Variants in TUFT1 observed in about 807,000 individuals in gnomAD.
TUFT1 encodes tuftelin 1, also known as tuftelin.
A neutral mutation model predicts 57.8 loss-of-function variants in TUFT1; 43 were observed. The ratio of observed to expected loss-of-function variants is 0.74; its 90% confidence interval spans 0.58 to 0.96. The LOEUF (loss-of-function observed/expected upper bound fraction) is 0.96, where lower values mean the gene tolerates loss of function less well. TUFT1 is among the 40% of genes least tolerant of loss of function. TUFT1 has a pLI of 0.00. For missense variants in TUFT1, 459 were observed against 489.0 expected (o/e 0.94, Z 0.58); for synonymous variants, 166 against 176.7 (o/e 0.94, Z 0.48).
chr1:151,581,047 G>C lies in TUFT1; in HGVS notation c.1109+5G>C, dbSNP rs1666632706. 1 of 1,613,838 alleles carries C rather than the reference G, an allele frequency of 6.2e-7. No individual in the cohort carries two copies. The highest frequency in any genetic ancestry group is 1.1e-5 in the South Asian group (1 of 91,072). The stretch of plus-strand genomic sequence containing the variant: ...CAAGACAGAGAACCCGGGCAGGTGA[G>C]TGAGCGTGTGTAGATAGAATGGGGC... On this transcript the variant is annotated splice_donor_5th_base_variant and intron_variant, in intron 12 of 12. Transcript: ENST00000368849.
At chr1:151,564,426 G>A (rs1665997374) in intron 4 of TUFT1, 99 bp from the exon 5 acceptor site, 2 of 847,482 alleles carry the variant, frequency 2.4e-6, no homozygotes, top group Non-Finnish European at 3.9e-6. Context: ...GACAGTGCCT[G>A]ACTCGCAGTA....
intron 1 of TUFT1, among the ~76,000 whole-genome samples, chr1:151,560,956 TTGTGTGTG>T (rs68056033): frequency 0.16 from 20,653 of 132,422 alleles, 1,903 homozygotes; most frequent in East Asian, 0.36. Flanking sequence ...CTGCAAAGTA[TTGTGTGTG>T]TGTGTGTGTG....
At chr1:151,567,024 T>C (rs1047835677) in intron 6 of TUFT1, among the ~76,000 whole-genome samples, 9 of 151,328 alleles carry the variant, frequency 5.9e-5, no homozygotes, top group Non-Finnish European at 1.0e-4. Context: ...GTTCAAGCAA[T>C]CCTCCCACCT....
chr1:151,553,726 T>C (rs1291331494), intron 1 of TUFT1, among the ~76,000 whole-genome samples: 47 of 152,250 alleles, frequency 3.1e-4, no homozygotes, highest in Admixed American at 2.9e-3. Flanking sequence ...CTTTGGTCCA[T>C]GCTTCTGAAT....
intron 1 of TUFT1, chr1:151,545,828 C>T: frequency 1.9e-6 from 1 of 533,800 alleles, no homozygotes; most frequent in Non-Finnish European, 3.9e-6. Flanking sequence ...CTGACTCAGC[C>T]AGTACTGGTC....
In TUFT1 at chr1:151,581,829, G is replaced by T. The variant is rs139986583; in HGVS notation, c.*122G>T. 2 of 1,016,688 alleles carry T rather than the reference G, an allele frequency of 2.0e-6. No individual in the cohort carries two copies. The allele number at this position is 1,016,688 out of a possible 1,614,324, so 63.0% of individuals were successfully genotyped here. A position where few individuals can be genotyped will look rare whatever the true frequency, so the allele number is the denominator to read the frequency against. On this transcript the variant is annotated 3_prime_UTR_variant, in exon 13 of 13. Transcript: ENST00000368849. ...GTCCCCTGGCTGCACCCAGGACTTCGGGCTCCTGTGTCTCACCATTCCCAA... is the reference window on the plus strand; with the variant it reads ...GTCCCCTGGCTGCACCCAGGACTTCTGGCTCCTGTGTCTCACCATTCCCAA...
chr1:151,577,397 C>T, intron 9 of TUFT1, among the ~76,000 whole-genome samples: 1 of 152,134 alleles, frequency 6.6e-6, no homozygotes, highest in Non-Finnish European at 1.5e-5. Flanking sequence ...TATCTAGGGA[C>T]CCCAGCCACC....
intron 1 of TUFT1, chr1:151,561,467 GCGCGCGCACACACACACA>G: frequency 5.9e-6 from 1 of 169,214 alleles, no homozygotes; most frequent in Non-Finnish European, 8.8e-6. Context: ...TCATGCGCGC[GCGCGCGCACACACACACA>G]CACACACACA....
chr1:151,540,322 C>T lies in TUFT1; in HGVS notation c.-45C>T. The T allele has an allele frequency of 6.2e-7, 1 of 1,613,340 alleles. No homozygotes were observed. The highest frequency in any genetic ancestry group is 1.1e-5 in the South Asian group (1 of 91,046). On this transcript the variant is annotated 5_prime_UTR_variant, in exon 1 of 13. Transcript: ENST00000368849. Reference sequence around the variant, plus strand: ...GCGCGCCCGCCCAGTTGGAGCCAGACAGCGGGGTGGACAAGTGGCGTGTGT... The same window carrying T: ...GCGCGCCCGCCCAGTTGGAGCCAGATAGCGGGGTGGACAAGTGGCGTGTGT...
chr1:151,548,505 G>A (rs1035887199), intron 1 of TUFT1, among the ~76,000 whole-genome samples: 1 of 152,096 alleles, frequency 6.6e-6, no homozygotes, highest in Non-Finnish European at 1.5e-5. Flanking sequence ...GTTTCATCCT[G>A]TTGGCCAGGA....
intron 8 of TUFT1, 72 bp from the exon 9 acceptor site, chr1:151,574,839 C>T (rs867458132): frequency 1.7e-5 from 23 of 1,320,170 alleles, no homozygotes; most frequent in Admixed American, 6.0e-5. Context: ...CCCAGCCTGG[C>T]GCCCATCTTA....
At position 151,569,047 on chromosome 1, in the gene TUFT1, T is replaced by C. The variant is rs117341895; in HGVS notation, c.481-610T>C. Among the ~76,000 whole-genome samples, 448 of 152,272 alleles carry C rather than the reference T, an allele frequency of 2.9e-3. 12 individuals carry two copies. The East Asian group carries it at 0.052, about 18-fold the overall frequency. ...CTCATCTCTAACCACCAGCCCACAG[T>C]TGGGTGTGTCTGGGAGAGACTGAGC... is the stretch of plus-strand genomic sequence containing the variant. On this transcript the variant is annotated intron_variant, in intron 6 of 12. Transcript: ENST00000368849.
At chr1:151,549,749 G>C (rs1326560268) in intron 1 of TUFT1, among the ~76,000 whole-genome samples, 3 of 152,168 alleles carry the variant, frequency 2.0e-5, no homozygotes, top group Non-Finnish European at 4.4e-5. Flanking sequence ...TTGAAACAGA[G>C]TCTCGCTCTG....
intron 9 of TUFT1, among the ~76,000 whole-genome samples, chr1:151,578,290 C>T (rs1666542884): frequency 6.6e-6 from 1 of 150,778 alleles, no homozygotes; most frequent in Non-Finnish European, 1.5e-5. Flanking sequence ...CTAGGTGATC[C>T]CTGATGATGC....
intron 7 of TUFT1, among the ~76,000 whole-genome samples, chr1:151,573,753 AT>A (rs1259733503): frequency 9.9e-5 from 15 of 152,180 alleles, no homozygotes; most frequent in African/African-American, 3.4e-4. Flanking sequence ...TCAAAAAAAA[AT>A]AATAATAATA....
chr1:151,561,900 G>C (rs1665908877), intron 1 of TUFT1, 191 bp from the exon 2 acceptor site: 2 of 1,523,480 alleles, frequency 1.3e-6, no homozygotes, highest in South Asian at 2.4e-5. Context: ...TGGTCCCAGA[G>C]TCACCACCCC....
chr1:151,554,909 G>C (rs1237587902), intron 1 of TUFT1, among the ~76,000 whole-genome samples: 7 of 149,624 alleles, frequency 4.7e-5, no homozygotes, highest in Non-Finnish European at 1.0e-4. Context: ...TCAGCATGTT[G>C]GCCAGGCTGG....
chr1:151,555,347 A>C (rs997009439), intron 1 of TUFT1, among the ~76,000 whole-genome samples: 1 of 150,716 alleles, frequency 6.6e-6, no homozygotes, highest in Admixed American at 6.6e-5. Context: ...AAAAAAAATT[A>C]TAAGGCATAC....
At chr1:151,549,227 T>C (rs1665436944) in intron 1 of TUFT1, among the ~76,000 whole-genome samples, 2 of 152,198 alleles carry the variant, frequency 1.3e-5, no homozygotes, top group East Asian at 1.9e-4. Context: ...CCGGATATTT[T>C]TGGGGTGTTC....
Sources: gnomAD v4.1 joint callset for allele counts (sites outside exome capture counted in the v4.1 genomes callset) on GRCh38, gnomAD v4.1.1 for gene constraint, MANE v1.5 for transcripts, NCBI Gene and HGNC (gene_info 2026-07-23, HGNC 2026-07-21) for gene names.